The following MDM2 variants were observed in gnomAD, a reference collection of about 807,000 sequenced individuals.
MDM2 encodes MDM2 proto-oncogene.
A neutral mutation model predicts 64.3 loss-of-function variants in MDM2; 11 were observed. The observed-to-expected ratio is 0.17, with a 90% CI of 0.11 to 0.28. MDM2 has a LOEUF of 0.28. MDM2 is among the 10% of genes least tolerant of loss of function. MDM2 has a pLI of 1.00. For missense variants in MDM2, 388 were observed against 577.1 expected (o/e 0.67, Z 3.36); for synonymous variants, 194 against 192.9 (o/e 1.01, Z -0.05).
At chr12:68,818,717 T>C (rs1028175193) in intron 4 of MDM2, among the ~76,000 whole-genome samples, 2 of 151,580 alleles carry the variant, frequency 1.3e-5, no homozygotes, top group Non-Finnish European at 2.9e-5. Flanking sequence ...ACTATATTGG[T>C]ATATTGGTGA....
intron 8 of MDM2, among the ~76,000 whole-genome samples, chr12:68,835,135 G>A (rs1480210583): frequency 6.6e-6 from 1 of 152,168 alleles, no homozygotes; most frequent in Non-Finnish European, 1.5e-5. Flanking sequence ...AGAAAGATGA[G>A]TGACAGGTTT....
intron 9 of MDM2, 130 bp downstream of exon 9, chr12:68,836,114 AAC>A: frequency 1.3e-6 from 1 of 775,236 alleles, no homozygotes; most frequent in Non-Finnish European, 1.9e-6. Flanking sequence ...TGTTTAAACT[AAC>A]ACATTGGTTT....
chr12:68,814,370 A>G (rs1013199218), intron 3 of MDM2, among the ~76,000 whole-genome samples: 5 of 152,200 alleles, frequency 3.3e-5, no homozygotes, highest in African/African-American at 1.2e-4. Context: ...TATTATCTTG[A>G]TATAGTGAGG....
At chr12:68,818,517 GCTT>G (rs902423672) in intron 4 of MDM2, among the ~76,000 whole-genome samples, 12 of 148,040 alleles carry the variant, frequency 8.1e-5, no homozygotes, top group Admixed American at 4.0e-4. Context: ...ATTTCATCTA[GCTT>G]CTTAATTTGT....
At chr12:68,808,562 C>T (rs1450874714) in intron 1 of MDM2, 71 bp downstream of exon 1, 1 of 1,603,394 alleles carries the variant, frequency 6.2e-7, no homozygotes, top group Non-Finnish European at 8.5e-7. Flanking sequence ...CGCTGGTTCC[C>T]AGCCTCTGCC....
At chr12:68,826,966 GGAGATT>G (rs1882385520) in intron 7 of MDM2, among the ~76,000 whole-genome samples, 2 of 152,074 alleles carry the variant, frequency 1.3e-5, no homozygotes, top group South Asian at 4.1e-4. Context: ...CACGAGGTCA[GGAGATT>G]GAGACCATCC....
intron 5 of MDM2, among the ~76,000 whole-genome samples, chr12:68,822,210 C>T (rs1365501571): frequency 6.6e-6 from 1 of 152,136 alleles, no homozygotes; most frequent in Admixed American, 6.6e-5. Context: ...TTGTGCATCA[C>T]ACACTATAGT....
At chr12:68,829,908 A>T (rs1565741970) in intron 8 of MDM2, among the ~76,000 whole-genome samples, 1 of 152,200 alleles carries the variant, frequency 6.6e-6, no homozygotes, top group African/African-American at 2.4e-5. Flanking sequence ...TTGGTAAAAA[A>T]TTTTTTTGTT....
intron 7 of MDM2, among the ~76,000 whole-genome samples, chr12:68,825,055 C>T (rs1795484): frequency 6.6e-6 from 1 of 150,944 alleles, no homozygotes; most frequent in Non-Finnish European, 1.5e-5. Flanking sequence ...AAAAAAAATA[C>T]AAAAAGTAGC....
chr12:68,832,606 G>T (rs1037551525), intron 8 of MDM2, among the ~76,000 whole-genome samples: 15 of 152,012 alleles, frequency 9.9e-5, no homozygotes, highest in Non-Finnish European at 1.8e-4. Flanking sequence ...CAACCTCCTG[G>T]GTTCAAGCAA....
In MDM2 at chr12:68,841,144, G is replaced by C. The variant is rs907699294; in HGVS notation, c.*1295G>C. ...TACAGATGTGAGGCACCTGGCCTCA[G>C]ATTTTTGATACTCTTAAACCTTCTG... On this transcript the variant is annotated 3_prime_UTR_variant, in exon 11 of 11. Coordinates refer to ENST00000258149, the MANE Select transcript of MDM2 (RefSeq NM_002392.6). 5.3e-6 allele frequency: 1 copy of C among 189,200 alleles called. No homozygotes were observed. The highest frequency in any genetic ancestry group is 6.2e-5 in the Admixed American group (1 of 16,134). The allele number at this position is 189,200 out of a possible 1,614,324, so 11.7% of individuals were successfully genotyped here.
chr12:68,816,121 C>T (rs956933025), intron 3 of MDM2, among the ~76,000 whole-genome samples: 2 of 152,094 alleles, frequency 1.3e-5, no homozygotes, highest in African/African-American at 4.8e-5. Context: ...GTATTTATGA[C>T]TATTTACTAA....
At chr12:68,832,035 A>T (rs555268972) in intron 8 of MDM2, among the ~76,000 whole-genome samples, 10 of 152,318 alleles carry the variant, frequency 6.6e-5, no homozygotes, top group African/African-American at 2.4e-4. Flanking sequence ...ACGCCATTGC[A>T]CTGCAGCCTG....
Position 68,840,004 on chromosome 12 carries a change from T to G in MDM2, c.*155T>G. Reference sequence around the variant, plus strand: ...TAATTGACCTACTTTGGTAGTGGAATAGTGAATACTTACTATAATTTGACT... The same window carrying G: ...TAATTGACCTACTTTGGTAGTGGAAGAGTGAATACTTACTATAATTTGACT... On this transcript the variant is annotated 3_prime_UTR_variant, in exon 11 of 11. Transcript: ENST00000258149. 1.6e-6 allele frequency: 1 copy of G among 631,638 alleles called. No homozygotes were observed. The highest frequency in any genetic ancestry group is 2.6e-6 in the Non-Finnish European group (1 of 378,254). 39.1% of individuals were successfully genotyped at this position (631,638 alleles called of 1,614,324 possible).
chr12:68,829,019 A>G, intron 8 of MDM2, 88 bp downstream of exon 8: 2 of 1,299,456 alleles, frequency 1.5e-6, no homozygotes, highest in Non-Finnish European at 2.1e-6. Context: ...TAGAATGTAC[A>G]TGTGTCTTAC....
intron 5 of MDM2, among the ~76,000 whole-genome samples, chr12:68,823,930 C>T (rs752171752): frequency 2.4e-4 from 36 of 152,188 alleles, no homozygotes; most frequent in Non-Finnish European, 4.7e-4. Context: ...TAATAATGAA[C>T]TGCTTGTGGT....
In MDM2 at chr12:68,843,025, A is replaced by G. The variant is rs1781100342; in HGVS notation, c.*3176A>G. On this transcript the variant is annotated 3_prime_UTR_variant, in exon 11 of 11. Coordinates refer to ENST00000258149, the MANE Select transcript of MDM2 (RefSeq NM_002392.6). ...TGTCATTCCTGGTAGAACAAGCTTT[A>G]TTTTTCGAGCCTAGCAATGATCTAG... 1 of 213,516 alleles carries G rather than the reference A, an allele frequency of 4.7e-6. No homozygotes were observed. Among genetic ancestry groups the G allele is most frequent in the South Asian group, 1.9e-4 (1 of 5,334 alleles). 13.2% of individuals were successfully genotyped at this position (213,516 alleles called of 1,614,324 possible).
Position 68,829,248 on chromosome 12 carries a change from G to C in MDM2, c.684+317G>C, listed in dbSNP as rs1360069234. 3.0e-4 allele frequency among the ~76,000 whole-genome samples: 45 copies of C among 150,664 alleles called. 1 individual carries two copies. Among genetic ancestry groups the C allele is most frequent in the Admixed American group, 3.0e-3 (45 of 15,094 alleles). On this transcript the variant is annotated intron_variant, in intron 8 of 10. Coordinates refer to ENST00000258149, the MANE Select transcript of MDM2 (RefSeq NM_002392.6). ...CAATAGTACAGTCAAATAAATTGGA[G>C]TATAGAGTTGTTTGAGAATTTGAGA...
intron 5 of MDM2, 42 bp from the exon 6 acceptor site, chr12:68,824,321 C>G (rs1882118128): frequency 6.6e-6 from 10 of 1,523,928 alleles, no homozygotes; most frequent in Non-Finnish European, 9.1e-6. Flanking sequence ...CCGCCGCCCC[C>G]CGCCCACCAC....
Sources: allele counts gnomAD v4.1 joint callset (sites outside exome capture counted in the v4.1 genomes callset), GRCh38; gene constraint gnomAD v4.1.1; transcripts MANE v1.5; gene names NCBI Gene and HGNC (gene_info 2026-07-23, HGNC 2026-07-21).